The following TM9SF4 variants were observed in gnomAD, a reference collection of about 807,000 sequenced individuals.
TM9SF4 encodes the protein dinucleotide oxidase disulfide thiol exchanger 3 superfamily member 4.
Under a neutral mutation model 90.4 loss-of-function variants are expected in TM9SF4, and 26 were observed. The ratio of observed to expected loss-of-function variants is 0.29; its 90% CI spans 0.21 to 0.40. TM9SF4 has a LOEUF of 0.40. Among genes scored for constraint, TM9SF4 ranks in the 10% least tolerant of loss-of-function variants. TM9SF4 has a pLI of 1.00. For missense variants in TM9SF4, 549 were observed against 834.8 expected (o/e 0.66, Z 4.22); for synonymous variants, 293 against 315.4 (o/e 0.93, Z 0.75).
At chr20:32,116,962 G>A (rs2046235848) in intron 1 of TM9SF4, among the ~76,000 whole-genome samples, 1 of 137,552 alleles carries the variant, frequency 7.3e-6, no homozygotes, top group Non-Finnish European at 1.5e-5. Flanking sequence ...GCTTACACCT[G>A]TAATCCCAGC....
rs1413237709 is a variant in TM9SF4, at chr20:32,143,253, A to G, written c.652+148A>G. On this transcript the variant is annotated intron_variant, in intron 6 of 17. Transcript: ENST00000398022. ...GCCAAGGTAGGATCATGGTATTCTC[A>G]TTAGAGAAGACGGGGTGTGGGGGCA... 5.8e-6 allele frequency: 6 copies of G among 1,030,938 alleles called. No homozygotes were observed. In the African/African-American group the frequency reaches 6.4e-5, roughly 11 times the overall value. 63.9% of individuals were successfully genotyped at this position (1,030,938 alleles called of 1,614,324 possible).
chr20:32,150,748 C>T (rs374364036), intron 11 of TM9SF4, 45 bp downstream of exon 11: 12 of 1,614,112 alleles, frequency 7.4e-6, no homozygotes, highest in African/African-American at 6.7e-5. Context: ...CAGGCCTCCT[C>T]CACACCAGCT....
At chr20:32,153,755 G>T (rs2046877076) in intron 12 of TM9SF4, among the ~76,000 whole-genome samples, 1 of 152,108 alleles carries the variant, frequency 6.6e-6, no homozygotes, top group African/African-American at 2.4e-5. Flanking sequence ...GAAGAAAATA[G>T]AAGAAAAAGT....
intron 1 of TM9SF4, chr20:32,110,032 C>A: frequency 1.4e-6 from 2 of 1,382,336 alleles, no homozygotes; most frequent in Non-Finnish European, 1.9e-6. Context: ...TTTTGGTCTC[C>A]GCCCACTGTG....
intron 12 of TM9SF4, among the ~76,000 whole-genome samples, chr20:32,152,419 G>A (rs2046856355): frequency 6.6e-6 from 1 of 151,002 alleles, no homozygotes; most frequent in Non-Finnish European, 1.5e-5. Context: ...ACCTGAAGCT[G>A]CCTATCCTCC....
At chr20:32,159,923 CAGGTTGGTGTGCCAGGGGA>C in intron 15 of TM9SF4, 50 bp from the exon 16 acceptor site, 1 of 1,604,456 alleles carries the variant, frequency 6.2e-7, no homozygotes, top group Non-Finnish European at 8.5e-7. Context: ...GCCCTTGTGA[CAGGTTGGTGTGCCAGGGGA>C]AGGGGAGCAG....
chr20:32,143,850 A>G (rs917807687), intron 6 of TM9SF4, among the ~76,000 whole-genome samples: 6 of 152,078 alleles, frequency 3.9e-5, no homozygotes, highest in Non-Finnish European at 7.4e-5. Flanking sequence ...TCCCGAGCGC[A>G]GTTCTACGTT....
At chr20:32,126,985 C>T (rs1386331521) in intron 1 of TM9SF4, among the ~76,000 whole-genome samples, 1 of 152,272 alleles carries the variant, frequency 6.6e-6, no homozygotes, top group East Asian at 1.9e-4. Context: ...CCGCCCGCCT[C>T]GGCCTGCCAA....
At chr20:32,144,165 C>T (rs1046617029) in intron 6 of TM9SF4, among the ~76,000 whole-genome samples, 3 of 152,128 alleles carry the variant, frequency 2.0e-5, no homozygotes, top group African/African-American at 7.2e-5. Context: ...AGGCTGGTCT[C>T]AAACTCCGGA....
intron 1 of TM9SF4, among the ~76,000 whole-genome samples, chr20:32,121,869 C>G (rs2046314710): frequency 6.7e-6 from 1 of 148,858 alleles, no homozygotes; most frequent in Non-Finnish European, 1.5e-5. Flanking sequence ...GGGCGGCTGG[C>G]CGGGCGGGGG....
chr20:32,122,805 G>A (rs935286162), intron 1 of TM9SF4, among the ~76,000 whole-genome samples: 2 of 152,130 alleles, frequency 1.3e-5, no homozygotes, highest in South Asian at 2.1e-4. Context: ...CACTTTGGGA[G>A]GCCAAGACAG....
At chr20:32,158,117 G>T in intron 14 of TM9SF4, 148 bp downstream of exon 14, 2 of 1,162,368 alleles carry the variant, frequency 1.7e-6, no homozygotes, top group East Asian at 5.1e-5. Context: ...CCAAGATCAA[G>T]GTGACCAGGT....
Position 32,161,344 on chromosome 20 carries a change from C to T in TM9SF4, c.1758C>T (p.Ala586=), listed in dbSNP as rs139824158. Reference sequence around the variant, plus strand: ...CTGCATTCTACGTCCTGGTTTATGCCATCTTTTATTTCGTTAACAAGGTAC... The same window carrying T: ...CTGCATTCTACGTCCTGGTTTATGCTATCTTTTATTTCGTTAACAAGGTAC... The part of the protein sequence containing the change: ...GGSAFYVLVY[A]IFYFVNKLDI... Residue 586 remains alanine, a synonymous_variant, in exon 17 of 18, where the codon GCC becomes GCT. Coordinates refer to ENST00000398022, the MANE Select transcript of TM9SF4 (RefSeq NM_014742.4). 1.4e-4 allele frequency: 229 copies of T among 1,613,832 alleles called. No homozygotes were observed. In the Middle Eastern group the frequency reaches 1.7e-3, roughly 12 times the overall value.
intron 1 of TM9SF4, among the ~76,000 whole-genome samples, chr20:32,122,591 C>T (rs566070608): frequency 5.4e-4 from 80 of 149,082 alleles, no homozygotes; most frequent in African/African-American, 1.9e-3. Flanking sequence ...CAGAGACGCT[C>T]CTCACTTCCT....
chr20:32,156,570 G>A (rs1474126827), intron 13 of TM9SF4, among the ~76,000 whole-genome samples: 1 of 152,190 alleles, frequency 6.6e-6, no homozygotes, highest in Non-Finnish European at 1.5e-5. Context: ...GTAAATAGTT[G>A]TTATACTATA....
At chr20:32,111,211 C>G (rs2046138759) in intron 1 of TM9SF4, among the ~76,000 whole-genome samples, 1 of 152,072 alleles carries the variant, frequency 6.6e-6, no homozygotes, top group African/African-American at 2.4e-5. Context: ...GGCTGAACCA[C>G]GAGTGGGGCA....
At chr20:32,122,188 G>A (rs1191897488) in intron 1 of TM9SF4, among the ~76,000 whole-genome samples, 19 of 141,992 alleles carry the variant, frequency 1.3e-4, no homozygotes, top group South Asian at 6.8e-4. Flanking sequence ...CGGACGGGGC[G>A]GCTGGCCGGG....
At chr20:32,113,410 G>A (rs2046175446) in intron 1 of TM9SF4, among the ~76,000 whole-genome samples, 1 of 152,148 alleles carries the variant, frequency 6.6e-6, no homozygotes, top group Non-Finnish European at 1.5e-5. Flanking sequence ...TCCATCCTTA[G>A]ATTTAGACTA....
intron 15 of TM9SF4, 150 bp from the exon 16 acceptor site, chr20:32,159,842 G>T: frequency 9.0e-7 from 1 of 1,112,368 alleles, no homozygotes; most frequent in Non-Finnish European, 1.3e-6. Flanking sequence ...CCCCTGCTCT[G>T]GGGAAGAGGG....
Sources: allele counts gnomAD v4.1 joint callset (sites outside exome capture counted in the v4.1 genomes callset), GRCh38; gene constraint gnomAD v4.1.1; transcripts MANE v1.5; gene names NCBI Gene and HGNC (gene_info 2026-07-23, HGNC 2026-07-21).